RNF115: variants seen among roughly 807,000 people sequenced by gnomAD.
RNF115 encodes the protein E3 ubiquitin-protein ligase RNF115.
A neutral mutation model predicts 39.2 loss-of-function variants in RNF115; 31 were observed. That is an observed-to-expected ratio of 0.79 (90% CI 0.59 to 1.07). The LOEUF is 1.07. Among genes scored for constraint, RNF115 ranks in the 50% least tolerant of loss-of-function variants. The pLI is 0.00. For missense variants in RNF115, 384 were observed against 381.7 expected, an observed-to-expected ratio of 1.01 and a Z score of -0.05; for synonymous variants, 124 against 131.0, an observed-to-expected ratio of 0.95 and a Z score of 0.37.
At position 145,743,238 on chromosome 1, in the gene RNF115, G is replaced by T. The variant is rs1233526412; in HGVS notation, c.*3628C>A. The T allele has an allele frequency of 6.6e-6, 1 of 152,146 alleles. No homozygotes were observed. The highest frequency in any genetic ancestry group is 2.4e-5 in the African/African-American group (1 of 41,424). The allele number at this position is 152,146 out of a possible 1,614,324, so 9.4% of individuals were successfully genotyped here. On this transcript the variant is annotated 3_prime_UTR_variant, in exon 9 of 9. Transcript: ENST00000582693. ...CAGCACATGGCCCTCCCTAATGTAA[G>T]TGGCCCTCATCCAATCAGTTGAAGG...
At chr1:145,773,754 T>C (rs1468741542) in intron 3 of RNF115, 1 of 152,120 alleles carries the variant, frequency 6.6e-6, no homozygotes, top group African/African-American at 2.4e-5. Flanking sequence ...CTCTACAGCT[T>C]TTCCTCTCAG....
At chr1:145,773,504 C>T (rs1272057224) in intron 3 of RNF115, 6 of 152,060 alleles carry the variant, frequency 3.9e-5, no homozygotes, top group Non-Finnish European at 5.9e-5. Flanking sequence ...GTAAAATGCT[C>T]GCCAGGTCTC....
At chr1:145,765,996 CTT>C (rs587658468) in intron 4 of RNF115, among the ~76,000 whole-genome samples, 440 of 151,284 alleles carry the variant, frequency 2.9e-3, no homozygotes, top group African/African-American at 0.01. Flanking sequence ...ACAAAGTACT[CTT>C]TTTCTTTTTT....
intron 2 of RNF115, chr1:145,786,884 C>T (rs1648405547): frequency 5.9e-6 from 1 of 168,430 alleles, no homozygotes; most frequent in Non-Finnish European, 1.2e-5. Flanking sequence ...TGGTATTGTA[C>T]TATTTAAAAC....
At chr1:145,788,820 TA>T (rs782618540) in intron 2 of RNF115, 87 bp downstream of exon 2, 2 of 959,612 alleles carry the variant, frequency 2.1e-6, no homozygotes, top group Non-Finnish European at 3.4e-6. Context: ...GTGTAAGTTG[TA>T]AAACAAATTC....
chr1:145,806,755 T>C lies in RNF115; in HGVS notation c.102+17017A>G, dbSNP rs186150953. 2.5e-3 allele frequency among the ~76,000 whole-genome samples: 383 copies of C among 152,342 alleles called. 1 individual carries two copies. Among genetic ancestry groups the C allele is most frequent in the Non-Finnish European group, 3.8e-3 (258 of 68,028 alleles). The stretch of plus-strand genomic sequence containing the variant: ...CTGAGGTCCCACCAGAAGCAGATGC[T>C]GGTGCGAAGCTTCTTGTACTGTCTG... On this transcript the variant is annotated intron_variant, in intron 1 of 8. Coordinates refer to ENST00000582693, the MANE Select transcript of RNF115 (RefSeq NM_014455.4).
At chr1:145,763,205 C>T (rs986067685) in intron 4 of RNF115, among the ~76,000 whole-genome samples, 33 of 151,954 alleles carry the variant, frequency 2.2e-4, no homozygotes, top group Non-Finnish European at 7.4e-5. Flanking sequence ...CACGTACCCC[C>T]GAATCTAAAA....
intron 1 of RNF115, among the ~76,000 whole-genome samples, chr1:145,819,775 C>A (rs1368330950): frequency 6.6e-6 from 1 of 152,214 alleles, no homozygotes; most frequent in Non-Finnish European, 1.5e-5. Context: ...TGGTGGCTCA[C>A]ACCTGTAATC....
chr1:145,781,333 G>A (rs1559118014), intron 3 of RNF115, among the ~76,000 whole-genome samples: 1 of 152,122 alleles, frequency 6.6e-6, no homozygotes, highest in African/African-American at 2.4e-5. Flanking sequence ...ATAAGTCTTT[G>A]CCGAAATTAC....
rs1294267800 is a variant in RNF115, at chr1:145,782,604, G to A, written c.219+1935C>T. ...CAGTGTTGGATTTAGCATTACTAAA[G>A]TTAGGAAACTGACTACATATATTTG... is the stretch of plus-strand genomic sequence containing the variant. On this transcript the variant is annotated intron_variant, in intron 3 of 8. Transcript: ENST00000582693. Among the ~76,000 whole-genome samples the A allele has an allele frequency of 2.0e-5, 3 of 152,194 alleles. No individual in the cohort carries two copies. The East Asian group carries it at 5.8e-4, about 29-fold the overall frequency.
intron 3 of RNF115, among the ~76,000 whole-genome samples, chr1:145,776,743 G>A (rs1022161288): frequency 1.5e-4 from 23 of 152,020 alleles, no homozygotes; most frequent in African/African-American, 5.3e-4. Flanking sequence ...AGCTGAGGCA[G>A]GAGAATTGCT....
chr1:145,756,468 C>CA (rs1310453077), intron 4 of RNF115, among the ~76,000 whole-genome samples: 5 of 149,114 alleles, frequency 3.4e-5, no homozygotes, highest in South Asian at 2.1e-4. Flanking sequence ...AAAAAAAAAA[C>CA]AAAAAAAACA....
intron 1 of RNF115, among the ~76,000 whole-genome samples, chr1:145,794,284 CACTT>C (rs1362345822): frequency 6.6e-6 from 1 of 152,076 alleles, no homozygotes; most frequent in Non-Finnish European, 1.5e-5. Flanking sequence ...TTTACAAAAA[CACTT>C]AAAGTTAAAT....
At chr1:145,766,167 G>A (rs1647268020) in intron 4 of RNF115, among the ~76,000 whole-genome samples, 1 of 152,126 alleles carries the variant, frequency 6.6e-6, no homozygotes, top group East Asian at 1.9e-4. Context: ...GTGTCCCTGG[G>A]TACTTGAAAT....
chr1:145,788,983 G>A lies in RNF115; in HGVS notation c.103-17C>T, dbSNP rs1359031745. 3 of 1,539,726 alleles carry A rather than the reference G, an allele frequency of 1.9e-6. No homozygotes were observed. Among genetic ancestry groups the A allele is most frequent in the African/African-American group, 1.4e-5 (1 of 73,520 alleles). On this transcript the variant is annotated splice_polypyrimidine_tract_variant and intron_variant, in intron 1 of 8. Coordinates refer to ENST00000582693, the MANE Select transcript of RNF115 (RefSeq NM_014455.4). ...TATATATTCCTATAAAAGAAAGGAAGAAACAAATAAAACTTTTTCATTAGA... is the reference window on the plus strand; with the variant it reads ...TATATATTCCTATAAAAGAAAGGAAAAAACAAATAAAACTTTTTCATTAGA...
At chr1:145,776,010 A>G (rs1647866190) in intron 3 of RNF115, among the ~76,000 whole-genome samples, 1 of 151,686 alleles carries the variant, frequency 6.6e-6, no homozygotes, top group South Asian at 2.1e-4. Context: ...AAAAATAAAA[A>G]TAAAAATAAA....
chr1:145,761,594 AGATTTCAGAAGAT>A (rs1304013792), intron 4 of RNF115, among the ~76,000 whole-genome samples: 17 of 152,358 alleles, frequency 1.1e-4, no homozygotes, highest in African/African-American at 3.8e-4. Context: ...ACCTCCGCCT[AGATTTCAGAAGAT>A]GTATGGAAAC....
intron 4 of RNF115, among the ~76,000 whole-genome samples, chr1:145,761,406 C>T (rs587682111): frequency 2.2e-4 from 34 of 152,298 alleles, no homozygotes; most frequent in African/African-American, 7.9e-4. Context: ...CCAGGGTCCC[C>T]GTGCTGTGTG....
At chr1:145,781,550 T>TTA (rs1648147214) in intron 3 of RNF115, among the ~76,000 whole-genome samples, 1 of 152,204 alleles carries the variant, frequency 6.6e-6, no homozygotes, top group Admixed American at 6.5e-5. Flanking sequence ...TAATAATGGC[T>TTA]AAAATGTATC....
Sources: gnomAD v4.1 joint callset for allele counts (sites outside exome capture counted in the v4.1 genomes callset) on GRCh38, gnomAD v4.1.1 for gene constraint, MANE v1.5 for transcripts, NCBI Gene and HGNC (gene_info 2026-07-23, HGNC 2026-07-21) for gene names.